Variants in NALF2 observed in about 807,000 individuals in gnomAD.
NALF2 encodes NALCN channel auxiliary factor 2.
A neutral mutation model predicts 24.8 loss-of-function variants in NALF2; 1 was observed. The ratio of observed to expected loss-of-function variants is 0.04; its 90% CI spans 0.01 to 0.19. The LOEUF is 0.19. Ranked by LOEUF, NALF2 falls within the 10% of genes least tolerant of loss-of-function variation. The pLI, the probability that NALF2 is intolerant of heterozygous loss-of-function variation, is 1.00. For missense variants in NALF2, 458 were observed against 409.6 expected, an observed-to-expected ratio of 1.12 and a Z score of -1.02; for synonymous variants, 254 against 189.8, an observed-to-expected ratio of 1.34 and a Z score of -2.78.
intron 1 of NALF2, among the ~76,000 whole-genome samples, chrX:69,509,276 A>C (rs1930545040): frequency 1.9e-5 from 2 of 103,257 alleles, no homozygotes; most frequent in African/African-American, 7.2e-5. Flanking sequence ...CCCCCACCCC[A>C]CTCTCTTGGC....
At chrX:69,521,819 A>G (rs1023305890) in intron 1 of NALF2, among the ~76,000 whole-genome samples, 2 of 112,092 alleles carry the variant, frequency 1.8e-5, no homozygotes, top group African/African-American at 6.5e-5. Flanking sequence ...TGATTGATTC[A>G]TATAGTTGTC....
rs1930916196 is a variant in NALF2, at chrX:69,532,221, GC to G, written c.*2267del. The G allele has an allele frequency of 8.9e-6, 1 of 112,664 alleles. No homozygotes were observed. The highest frequency in any genetic ancestry group is 3.2e-5 in the African/African-American group (1 of 30,901). The allele number at this position is 112,664 out of a possible 1,213,427, so 9.3% of individuals were successfully genotyped here. A position where few individuals can be genotyped will look rare whatever the true frequency, so the allele number is the denominator to read the frequency against. On this transcript the variant is annotated 3_prime_UTR_variant, in exon 3 of 3. Transcript: ENST00000252338. ...CCTGCCCTCCATCACAGACAGCAGAGCCGGGCAGCTTTCTTATGCCATTTTC... is the reference window on the plus strand; with the variant it reads ...CCTGCCCTCCATCACAGACAGCAGAGCGGGCAGCTTTCTTATGCCATTTTC...
At chrX:69,524,822 A>G (rs377385167) in intron 1 of NALF2, among the ~76,000 whole-genome samples, 5 of 111,974 alleles carry the variant, frequency 4.5e-5, no homozygotes, top group East Asian at 5.7e-4. Flanking sequence ...AGGGATAGCA[A>G]TGGCCTCCGC....
At position 69,530,783 on chromosome X, in the gene NALF2, G is replaced by A. The variant is rs1284090662; in HGVS notation, c.*827G>A. ...AGAATTGCATTAGGAGCCCTCTGGG[G>A]AAAGAGCACAGGAACTGAGTTGCTG... On this transcript the variant is annotated 3_prime_UTR_variant, in exon 3 of 3. Coordinates refer to ENST00000252338, the MANE Select transcript of NALF2 (RefSeq NM_015686.3). 8.9e-6 allele frequency: 1 copy of A among 112,584 alleles called. No homozygotes were observed. Among genetic ancestry groups the A allele is most frequent in the Non-Finnish European group, 1.9e-5 (1 of 53,178 alleles). The allele number at this position is 112,584 out of a possible 1,213,427, so 9.3% of individuals were successfully genotyped here.
intron 1 of NALF2, among the ~76,000 whole-genome samples, chrX:69,527,773 C>T (rs1025937872): frequency 1.8e-5 from 2 of 111,475 alleles, no homozygotes; most frequent in African/African-American, 6.5e-5. Context: ...ATCTGGGCAT[C>T]TGTTAAAATG....
At chrX:69,514,462 AT>A (rs1478979390) in intron 1 of NALF2, among the ~76,000 whole-genome samples, 1 of 111,239 alleles carries the variant, frequency 9.0e-6, no homozygotes, top group African/African-American at 3.3e-5. Flanking sequence ...TTATCCATTA[AT>A]TTGTTGGTGG....
chrX:69,529,629 CT>C lies in NALF2; in HGVS notation c.1093del (p.Ser365ProfsTer100). The C allele has an allele frequency of 8.3e-7, 1 of 1,211,074 alleles. No individual in the cohort carries two copies. Among genetic ancestry groups the C allele is most frequent in the South Asian group, 1.8e-5 (1 of 56,766 alleles). ...CCAAGTGCTGTGACGTGCAGTGGGT[CT>C]CCTGTGAGGCGAAGAAGAAGAAGTT... ...ETKCCDVQWVSCEAKKKKFKE... is the reference protein window; with the variant it reads ...ETKCCDVQWVXCEAKKKKFKE... On this transcript the variant is annotated frameshift_variant, in exon 3 of 3. Coordinates refer to ENST00000252338, the MANE Select transcript of NALF2 (RefSeq NM_015686.3). LOFTEE classifies it high-confidence loss of function.
chrX:69,525,546 C>G (rs1318691904), intron 1 of NALF2, among the ~76,000 whole-genome samples: 1 of 109,879 alleles, frequency 9.1e-6, no homozygotes, highest in Non-Finnish European at 1.9e-5. Flanking sequence ...GCTTTGCTTT[C>G]TTACAGCCCC....
intron 1 of NALF2, among the ~76,000 whole-genome samples, chrX:69,507,700 AGACACATACCCTCGATGTCAGCCACG>A (rs1930513732): frequency 9.0e-6 from 1 of 111,352 alleles, no homozygotes; most frequent in African/African-American, 3.3e-5. Flanking sequence ...TGTCTTACAG[AGACACATACCCTCGATGTCAGCCACG>A]GACACATACA....
In NALF2 at chrX:69,529,793, C is replaced by T. The variant is rs371648295; in HGVS notation, c.1256C>T (p.Pro419Leu). 43 of 1,209,922 alleles carry T rather than the reference C, an allele frequency of 3.6e-5. No homozygotes were observed. Among genetic ancestry groups the T allele is most frequent in the Non-Finnish European group, 4.4e-5 (39 of 895,167 alleles). The change falls in exon 3 of 3, where the codon CCG (proline) becomes CTG (leucine). Residue 419 changes from proline to leucine, a missense_variant. Physicochemically the swap from Pro to Leu is moderately conservative, Grantham distance 98. Transcript: ENST00000252338. Reference sequence around the variant, plus strand: ...GTCAGCAACAAGCCCGCCCTGCTGCCGGTCTCTGGGGGCTCCCGCCTCAGC... The same window carrying T: ...GTCAGCAACAAGCCCGCCCTGCTGCTGGTCTCTGGGGGCTCCCGCCTCAGC... Reference protein sequence around the residue: ...GRVSNKPALLPVSGGSRLSPS... With the variant: ...GRVSNKPALLLVSGGSRLSPS...
intron 1 of NALF2, among the ~76,000 whole-genome samples, chrX:69,510,731 C>T (rs963681417): frequency 1.8e-5 from 2 of 111,933 alleles, no homozygotes; most frequent in Admixed American, 9.4e-5. Flanking sequence ...ATCTCTTCAC[C>T]AAGGAATGTG....
At chrX:69,526,428 A>G (rs186191412) in intron 1 of NALF2, among the ~76,000 whole-genome samples, 1 of 111,514 alleles carries the variant, frequency 9.0e-6, no homozygotes, top group Non-Finnish European at 1.9e-5. Context: ...AGATGTGTCT[A>G]CCCATGAAAC....
chrX:69,523,047 C>T (rs1930754833), intron 1 of NALF2, among the ~76,000 whole-genome samples: 1 of 112,564 alleles, frequency 8.9e-6, no homozygotes, highest in South Asian at 3.7e-4. Flanking sequence ...TGCTTTGCCT[C>T]CACAGGCTCT....
chrX:69,529,731 C>T lies in NALF2; in HGVS notation c.1194C>T (p.Tyr398=). 1 of 1,209,896 alleles carries T rather than the reference C, an allele frequency of 8.3e-7. No homozygotes were observed. The highest frequency in any genetic ancestry group is 1.1e-6 in the Non-Finnish European group (1 of 894,039). ...ATTTCCACCACTACCACCAACAGTA[C>T]CATCACTACCACCCCCATCATGATC... ...HSYFHHYHQQ[Y]HHYHPHHDPP... The change falls in exon 3 of 3, where the codon TAC becomes TAT. Residue 398 remains tyrosine, a synonymous_variant. Transcript: ENST00000252338.
chrX:69,516,637 C>T (rs1251868966), intron 1 of NALF2, among the ~76,000 whole-genome samples: 4 of 111,936 alleles, frequency 3.6e-5, no homozygotes, highest in African/African-American at 9.8e-5. Context: ...TGTTCTGAGG[C>T]AAGAAAATCT....
At chrX:69,524,406 T>C (rs1277030940) in intron 1 of NALF2, among the ~76,000 whole-genome samples, 5 of 111,359 alleles carry the variant, frequency 4.5e-5, no homozygotes, top group African/African-American at 1.6e-4. Flanking sequence ...ACAGGAGTAT[T>C]TTTTGGAAGC....
At chrX:69,526,910 A>G (rs1051606126) in intron 1 of NALF2, among the ~76,000 whole-genome samples, 1 of 112,595 alleles carries the variant, frequency 8.9e-6, no homozygotes, top group Non-Finnish European at 1.9e-5. Flanking sequence ...GTCTGTGGTC[A>G]GAAGCTTAAT....
Position 69,529,074 on chromosome X carries a change from T to C in NALF2, c.943T>C (p.Tyr315His). The C allele has an allele frequency of 8.3e-7, 1 of 1,210,973 alleles. No homozygotes were observed. Among genetic ancestry groups the C allele is most frequent in the African/African-American group, 1.7e-5 (1 of 57,790 alleles). The change falls in exon 2 of 3, where the codon TAC becomes CAC. Residue 315 changes from tyrosine to histidine, a missense_variant. Physicochemically the swap from Tyr to His is moderately conservative, Grantham distance 83 (BLOSUM62 2). Coordinates refer to ENST00000252338, the MANE Select transcript of NALF2 (RefSeq NM_015686.3). Reference sequence around the variant, plus strand: ...CCAGCGCTGGGTGCCCTGCAAGCAATACTGCCTGGAGGTGCAGACCCGGTG... The same window carrying C: ...CCAGCGCTGGGTGCCCTGCAAGCAACACTGCCTGGAGGTGCAGACCCGGTG... ...ECQRWVPCKQYCLEVQTRCPF... is the reference protein window; with the variant it reads ...ECQRWVPCKQHCLEVQTRCPF...
At chrX:69,518,229 G>T (rs1930689497) in intron 1 of NALF2, among the ~76,000 whole-genome samples, 1 of 112,158 alleles carries the variant, frequency 8.9e-6, no homozygotes, top group African/African-American at 3.2e-5. Flanking sequence ...GCAGTGCAGG[G>T]CCTGGGGCTC....
Sources: gnomAD v4.1 joint callset for allele counts (sites outside exome capture counted in the v4.1 genomes callset) on GRCh38, gnomAD v4.1.1 for gene constraint, MANE v1.5 for transcripts, NCBI Gene and HGNC (gene_info 2026-07-23, HGNC 2026-07-21) for gene names.